The following LDB2 variants were observed in gnomAD, a reference collection of about 807,000 sequenced individuals.
LDB2 encodes the protein LIM domain binding 2.
Under a neutral mutation model 44.3 loss-of-function variants are expected in LDB2, and 12 were observed. The observed-to-expected ratio is 0.27, with a 90% CI of 0.17 to 0.44. The LOEUF (loss-of-function observed/expected upper bound fraction) is 0.44, where lower values mean the gene tolerates loss of function less well. Ranked by LOEUF, LDB2 falls within the 20% of genes least tolerant of loss-of-function variation. The probability of loss-of-function intolerance (pLI) is 1.00; values close to 1 mark genes in which losing one functional copy is unlikely to be tolerated. For missense variants in LDB2, 344 were observed against 473.5 expected (o/e 0.73, Z 2.54); for synonymous variants, 164 against 174.8 (o/e 0.94, Z 0.49).
chr4:16,608,216 A>G (rs1432135970), intron 2 of LDB2, among the ~76,000 whole-genome samples: 1 of 151,554 alleles, frequency 6.6e-6, no homozygotes, highest in Non-Finnish European at 1.5e-5. Context: ...CAAAAAAAAA[A>G]AAAAAAAAAA....
intron 1 of LDB2, among the ~76,000 whole-genome samples, chr4:16,842,262 T>G (rs893222976): frequency 1.3e-5 from 2 of 152,306 alleles, no homozygotes; most frequent in South Asian, 4.1e-4. Context: ...AGTGGTTTCC[T>G]GACCTTGAAG....
intron 1 of LDB2, among the ~76,000 whole-genome samples, chr4:16,873,272 A>G (rs1717253491): frequency 6.6e-6 from 1 of 152,216 alleles, no homozygotes; most frequent in Non-Finnish European, 1.5e-5. Context: ...AGGGCTGGTG[A>G]ATGATAGTGA....
At chr4:16,851,226 G>C (rs943678288) in intron 1 of LDB2, among the ~76,000 whole-genome samples, 1 of 151,980 alleles carries the variant, frequency 6.6e-6, no homozygotes, top group Non-Finnish European at 1.5e-5. Flanking sequence ...GCTTACAAAA[G>C]TTGTGAAAAA....
chr4:16,891,214 T>TA (rs551204831), intron 1 of LDB2, among the ~76,000 whole-genome samples: 21,679 of 123,340 alleles, frequency 0.18, 2,047 homozygotes, highest in Non-Finnish European at 0.23. Context: ...TATTTTTAAG[T>TA]AAAAAAAAAA....
chr4:16,848,774 T>C (rs1787598328), intron 1 of LDB2, among the ~76,000 whole-genome samples: 1 of 152,178 alleles, frequency 6.6e-6, no homozygotes, highest in Non-Finnish European at 1.5e-5. Flanking sequence ...ATCTGATATA[T>C]CAGCAAACAA....
At position 16,590,381 on chromosome 4, in the gene LDB2, A is replaced by C. The variant is rs1490559857; in HGVS notation, c.409-1549T>G. ...ATTAATTAACTGAAGAGAGAATGTA[A>C]GTATTTGTAAAACTATAGTCCACGA... is the stretch of plus-strand genomic sequence containing the variant. On this transcript the variant is annotated intron_variant, in intron 3 of 7. Transcript: ENST00000304523. Among the ~76,000 whole-genome samples the C allele has an allele frequency of 2.0e-5, 3 of 152,258 alleles. No homozygotes were observed. In the East Asian group the frequency reaches 5.8e-4, roughly 29 times the overall value.
rs984436224 is a variant in LDB2, at chr4:16,550,846, A to G, written c.615+35076T>C. ...AGTTTATAATAGCAATAAAATTGGA[A>G]ACTACCTGTATGTCCACCAGTGGGA... On this transcript the variant is annotated intron_variant, in intron 5 of 7. Transcript: ENST00000304523. Among the ~76,000 whole-genome samples, 2 of 152,234 alleles carry G rather than the reference A, an allele frequency of 1.3e-5. 1 individual carries two copies. Among genetic ancestry groups the G allele is most frequent in the Admixed American group, 1.3e-4 (2 of 15,286 alleles).
intron 2 of LDB2, among the ~76,000 whole-genome samples, chr4:16,676,755 T>C (rs1439700748): frequency 6.6e-6 from 1 of 152,062 alleles, no homozygotes; most frequent in Non-Finnish European, 1.5e-5. Flanking sequence ...CCAAAACATA[T>C]GGTATAAGCT....
intron 1 of LDB2, among the ~76,000 whole-genome samples, chr4:16,786,954 C>G (rs1185401883): frequency 6.6e-6 from 1 of 152,094 alleles, no homozygotes; most frequent in African/African-American, 2.4e-5. Context: ...GGGTCCCTAT[C>G]CCATCTGTGA....
At chr4:16,608,770 A>G (rs188935381) in intron 2 of LDB2, among the ~76,000 whole-genome samples, 117 of 152,140 alleles carry the variant, frequency 7.7e-4, no homozygotes, top group African/African-American at 2.4e-3. Context: ...AACGGTCTGC[A>G]CTCCATCACC....
At chr4:16,607,406 T>C (rs1453786679) in intron 2 of LDB2, among the ~76,000 whole-genome samples, 1 of 152,234 alleles carries the variant, frequency 6.6e-6, no homozygotes, top group African/African-American at 2.4e-5. Flanking sequence ...CTCCTTTGTA[T>C]TCTTAAAGTG....
chr4:16,594,576 C>T (rs80034743), intron 3 of LDB2, among the ~76,000 whole-genome samples: 31 of 152,312 alleles, frequency 2.0e-4, no homozygotes, highest in African/African-American at 7.2e-4. Context: ...CATTTTACAA[C>T]CATTTCCTTT....
At chr4:16,809,123 G>A (rs568368008) in intron 1 of LDB2, among the ~76,000 whole-genome samples, 1 of 152,242 alleles carries the variant, frequency 6.6e-6, no homozygotes, top group Non-Finnish European at 1.5e-5. Context: ...GGAGATGGCA[G>A]AGCTACAATT....
At chr4:16,726,954 T>C (rs1189512831) in intron 2 of LDB2, among the ~76,000 whole-genome samples, 1 of 152,234 alleles carries the variant, frequency 6.6e-6, no homozygotes, top group Non-Finnish European at 1.5e-5. Flanking sequence ...TGTGTGTGTG[T>C]ATAATTATTT....
intron 2 of LDB2, among the ~76,000 whole-genome samples, chr4:16,753,803 G>T (rs980349936): frequency 6.6e-6 from 1 of 152,126 alleles, no homozygotes; most frequent in East Asian, 1.9e-4. Context: ...ACCACAAATA[G>T]TAGTTAAAGG....
intron 2 of LDB2, among the ~76,000 whole-genome samples, chr4:16,751,995 C>T (rs892625923): frequency 1.3e-5 from 2 of 152,124 alleles, no homozygotes; most frequent in Admixed American, 6.5e-5. Flanking sequence ...AAAATCACAA[C>T]ATCGGGTGCT....
chr4:16,891,115 T>C (rs1723227180), intron 1 of LDB2, among the ~76,000 whole-genome samples: 1 of 151,754 alleles, frequency 6.6e-6, no homozygotes, highest in African/African-American at 2.4e-5. Flanking sequence ...ATGAGATAGC[T>C]TTTATACTCA....
chr4:16,791,851 C>T (rs1287773279), intron 1 of LDB2, among the ~76,000 whole-genome samples: 5 of 152,174 alleles, frequency 3.3e-5, no homozygotes, highest in Non-Finnish European at 5.9e-5. Flanking sequence ...AACAAGATAA[C>T]TTCTGTACAT....
chr4:16,535,249 A>T (rs1475255757), intron 5 of LDB2, among the ~76,000 whole-genome samples: 1 of 152,172 alleles, frequency 6.6e-6, no homozygotes, highest in Non-Finnish European at 1.5e-5. Flanking sequence ...ACAATATAAA[A>T]GGCACAGATG....
Sources: allele counts gnomAD v4.1 joint callset (sites outside exome capture counted in the v4.1 genomes callset), GRCh38; gene constraint gnomAD v4.1.1; transcripts MANE v1.5; gene names NCBI Gene and HGNC (gene_info 2026-07-23, HGNC 2026-07-21).